The following NOS1AP variants were observed in gnomAD, a reference collection of about 807,000 sequenced individuals.
NOS1AP encodes carboxyl-terminal PDZ ligand of neuronal nitric oxide synthase protein.
In NOS1AP, 21 loss-of-function variants were observed where a neutral mutation model predicts 56.2. That is an observed-to-expected ratio of 0.37 (90% confidence interval 0.26 to 0.54). The LOEUF is 0.54. Among genes scored for constraint, NOS1AP ranks in the 20% least tolerant of loss-of-function variants. The probability of loss-of-function intolerance (pLI) is 0.84; values close to 1 mark genes in which losing one functional copy is unlikely to be tolerated. For missense variants in NOS1AP, 522 were observed against 657.8 expected (o/e 0.79, Z 2.26); for synonymous variants, 270 against 274.6 (o/e 0.98, Z 0.17).
intron 1 of NOS1AP, among the ~76,000 whole-genome samples, chr1:162,072,675 T>C (rs1199570693): frequency 6.6e-6 from 1 of 152,206 alleles, no homozygotes; most frequent in Non-Finnish European, 1.5e-5. Context: ...ATCTTTGTAA[T>C]TGATGCTGCA....
At chr1:162,320,679 C>T (rs1656386345) in intron 4 of NOS1AP, among the ~76,000 whole-genome samples, 2 of 152,074 alleles carry the variant, frequency 1.3e-5, no homozygotes, top group South Asian at 4.2e-4. Context: ...CATGGTGAAA[C>T]CCCGTCTCTA....
chr1:162,084,458 G>C (rs1253354850), intron 1 of NOS1AP, among the ~76,000 whole-genome samples: 1 of 152,078 alleles, frequency 6.6e-6, no homozygotes, highest in Non-Finnish European at 1.5e-5. Context: ...CCACTGGGGT[G>C]GTGGCAAAAG....
At chr1:162,361,771 T>C (rs1193202944) in intron 8 of NOS1AP, among the ~76,000 whole-genome samples, 1 of 152,230 alleles carries the variant, frequency 6.6e-6, no homozygotes, top group Non-Finnish European at 1.5e-5. Flanking sequence ...TCAAAGGTCT[T>C]CTTCTAGGTA....
rs73021438 is a variant in NOS1AP, at chr1:162,304,885, A to G, written c.344+4179A>G. Among the ~76,000 whole-genome samples the G allele has an allele frequency of 4.0e-3, 612 of 152,030 alleles. 3 individuals carry two copies. The highest frequency in any genetic ancestry group is 0.014 in the African/African-American group (569 of 41,454). Reference sequence around the variant, plus strand: ...GGTTATTTATTATGATAATATGGTAACATTTACAAATGAGCTTTTCATGGG... The same window carrying G: ...GGTTATTTATTATGATAATATGGTAGCATTTACAAATGAGCTTTTCATGGG... On this transcript the variant is annotated intron_variant, in intron 4 of 9. Coordinates refer to ENST00000361897, the MANE Select transcript of NOS1AP (RefSeq NM_014697.3).
At chr1:162,083,309 A>C (rs1052228019) in intron 1 of NOS1AP, among the ~76,000 whole-genome samples, 2 of 152,202 alleles carry the variant, frequency 1.3e-5, no homozygotes, top group Non-Finnish European at 2.9e-5. Context: ...AGGAAGATTC[A>C]TGTCTCCTGT....
At chr1:162,292,222 A>C (rs1655302193) in intron 3 of NOS1AP, among the ~76,000 whole-genome samples, 1 of 152,230 alleles carries the variant, frequency 6.6e-6, no homozygotes, top group Non-Finnish European at 1.5e-5. Context: ...CAGGTTTTAT[A>C]AGATTGCATT....
chr1:162,290,623 G>A (rs1655258402), intron 3 of NOS1AP, among the ~76,000 whole-genome samples: 1 of 152,182 alleles, frequency 6.6e-6, no homozygotes, highest in Admixed American at 6.5e-5. Flanking sequence ...GAGAGCCATA[G>A]CCTATATTCA....
Position 162,368,801 on chromosome 1 carries a change from A to G in NOS1AP, c.*1334A>G, listed in dbSNP as rs1237639938. ...CCTGCTAGAGTCATATGTTCGGGGA[A>G]TTAAGTCTTTATCCTAGACAACAAG... On this transcript the variant is annotated 3_prime_UTR_variant, in exon 10 of 10. Coordinates refer to ENST00000361897, the MANE Select transcript of NOS1AP (RefSeq NM_014697.3). 2.0e-5 allele frequency: 3 copies of G among 152,244 alleles called. No homozygotes were observed. Among genetic ancestry groups the G allele is most frequent in the Non-Finnish European group, 4.4e-5 (3 of 68,046 alleles). The allele number at this position is 152,244 out of a possible 1,614,324, so 9.4% of individuals were successfully genotyped here.
At chr1:162,212,770 C>T (rs910608255) in intron 2 of NOS1AP, among the ~76,000 whole-genome samples, 16 of 151,692 alleles carry the variant, frequency 1.1e-4, no homozygotes, top group African/African-American at 3.4e-4. Flanking sequence ...TGGAGAGTCT[C>T]CTACCTCTCC....
At chr1:162,155,994 C>T (rs1300792496) in intron 2 of NOS1AP, among the ~76,000 whole-genome samples, 10 of 152,172 alleles carry the variant, frequency 6.6e-5, no homozygotes, top group Admixed American at 3.9e-4. Flanking sequence ...TTCAGCCAGT[C>T]CTTCCTCTGG....
At chr1:162,189,050 T>G (rs1168181221) in intron 2 of NOS1AP, among the ~76,000 whole-genome samples, 1 of 152,060 alleles carries the variant, frequency 6.6e-6, no homozygotes, top group East Asian at 1.9e-4. Flanking sequence ...GAGTGAGACT[T>G]CATCTTGAAA....
intron 5 of NOS1AP, among the ~76,000 whole-genome samples, chr1:162,343,573 G>A (rs1156631353): frequency 6.6e-6 from 1 of 152,214 alleles, no homozygotes; most frequent in Non-Finnish European, 1.5e-5. Flanking sequence ...GTTACACATG[G>A]GAGGGAAGAA....
At chr1:162,111,407 G>A (rs191978184) in intron 1 of NOS1AP, among the ~76,000 whole-genome samples, 7 of 152,344 alleles carry the variant, frequency 4.6e-5, no homozygotes, top group Non-Finnish European at 8.8e-5. Flanking sequence ...AGGCGTGGTT[G>A]GGGCGAGGAG....
intron 2 of NOS1AP, among the ~76,000 whole-genome samples, chr1:162,174,273 G>T (rs1281188543): frequency 1.3e-5 from 2 of 151,994 alleles, no homozygotes; most frequent in African/African-American, 2.4e-5. Context: ...CATGGATGAA[G>T]CTGGAAACCA....
intron 2 of NOS1AP, among the ~76,000 whole-genome samples, chr1:162,283,179 A>G (rs570073820): frequency 6.6e-6 from 1 of 151,778 alleles, no homozygotes; most frequent in South Asian, 2.1e-4. Context: ...TATATAATAT[A>G]TGTTAAAAAT....
intron 2 of NOS1AP, among the ~76,000 whole-genome samples, chr1:162,160,363 C>T (rs1433425747): frequency 6.6e-6 from 1 of 152,158 alleles, no homozygotes; most frequent in Non-Finnish European, 1.5e-5. Flanking sequence ...CCAACTCTTC[C>T]AGAAATTCTC....
chr1:162,175,536 A>G (rs573489189), intron 2 of NOS1AP, among the ~76,000 whole-genome samples: 1 of 152,008 alleles, frequency 6.6e-6, no homozygotes, highest in African/African-American at 2.4e-5. Context: ...CATCTGGTGT[A>G]TTTCCTGAAT....
chr1:162,271,135 C>T lies in NOS1AP; in HGVS notation c.178-16209C>T, dbSNP rs557622079. Among the ~76,000 whole-genome samples the T allele has an allele frequency of 6.1e-3, 933 of 152,166 alleles. 9 individuals carry two copies. Among genetic ancestry groups the T allele is most frequent in the African/African-American group, 0.021 (866 of 41,482 alleles). On this transcript the variant is annotated intron_variant, in intron 2 of 9. Transcript: ENST00000361897. ...AATGTTTCAGGAAGGCTTAAATGGT[C>T]GTGGGGGGTGTGCGTGCAGTTTTTG...
At chr1:162,113,701 G>A (rs1354936384) in intron 1 of NOS1AP, among the ~76,000 whole-genome samples, 9 of 152,108 alleles carry the variant, frequency 5.9e-5, no homozygotes, top group African/African-American at 2.2e-4. Context: ...CACCAGAACA[G>A]CACCAAATGG....
Sources: gnomAD v4.1 joint callset for allele counts (sites outside exome capture counted in the v4.1 genomes callset) on GRCh38, gnomAD v4.1.1 for gene constraint, MANE v1.5 for transcripts, NCBI Gene and HGNC (gene_info 2026-07-23, HGNC 2026-07-21) for gene names.